Variants in KCMF1 observed in about 807,000 individuals in gnomAD.
The protein encoded by KCMF1 is potassium channel modulatory factor 1, also known as E3 ubiquitin-protein ligase KCMF1.
In KCMF1, 3 loss-of-function variants were observed where a neutral mutation model predicts 41.1. The observed-to-expected ratio is 0.07, with a 90% CI of 0.03 to 0.19. The LOEUF (loss-of-function observed/expected upper bound fraction) is 0.19, where lower values mean the gene tolerates loss of function less well. Among genes scored for constraint, KCMF1 ranks in the 10% least tolerant of loss-of-function variants. KCMF1 has a pLI of 1.00. For synonymous variants in KCMF1, 142 were observed against 164.5 expected (o/e 0.86, Z 1.04); for missense variants, 286 against 488.9 (o/e 0.58, Z 3.91).
Position 85,053,253 on chromosome 2 carries a change from T to C in KCMF1, c.990T>C (p.Arg330=), listed in dbSNP as rs1182705865. 1.9e-6 allele frequency: 3 copies of C among 1,613,906 alleles called. No homozygotes were observed. The highest frequency in any genetic ancestry group is 2.5e-6 in the Non-Finnish European group (3 of 1,179,874). Residue 330 remains arginine, a synonymous_variant, in exon 7 of 7, where the codon CGT becomes CGC. Coordinates refer to ENST00000409785, the MANE Select transcript of KCMF1 (RefSeq NM_020122.5). ...AGCTCCTTCTGTCCACTTTAGTGCGTGAAGAGAGCTCATCCTCAGATGAGG... is the reference window on the plus strand; with the variant it reads ...AGCTCCTTCTGTCCACTTTAGTGCGCGAAGAGAGCTCATCCTCAGATGAGG... ...VQELLLSTLV[R]EESSSSDEDD...
At chr2:85,025,932 A>G (rs537519063) in intron 1 of KCMF1, among the ~76,000 whole-genome samples, 1 of 152,260 alleles carries the variant, frequency 6.6e-6, no homozygotes, top group East Asian at 1.9e-4. Flanking sequence ...AGCATAAACA[A>G]GCAGATCACA....
At chr2:85,035,188 A>C in intron 3 of KCMF1, 33 bp downstream of exon 3, 1 of 1,587,590 alleles carries the variant, frequency 6.3e-7, no homozygotes, top group Non-Finnish European at 8.6e-7. Flanking sequence ...GACTAAAATG[A>C]TGTTGTAAAG....
At chr2:84,984,043 C>T (rs914131233) in intron 1 of KCMF1, among the ~76,000 whole-genome samples, 12 of 152,018 alleles carry the variant, frequency 7.9e-5, no homozygotes, top group African/African-American at 2.2e-4. Flanking sequence ...CACATTTATG[C>T]GTTGAGGGTC....
intron 1 of KCMF1, among the ~76,000 whole-genome samples, chr2:85,019,720 ATATATATGTGTGTGTGTATATATATG>A (rs1238442908): frequency 6.6e-6 from 1 of 151,832 alleles, no homozygotes; most frequent in African/African-American, 2.4e-5. Flanking sequence ...TTTGACTTAA[ATATATATGTGTGTGTGTATATATATG>A]TATATATGTG....
At chr2:85,046,513 G>A (rs898631225) in intron 5 of KCMF1, among the ~76,000 whole-genome samples, 4 of 151,676 alleles carry the variant, frequency 2.6e-5, no homozygotes, top group African/African-American at 9.7e-5. Flanking sequence ...GCCTGTAATC[G>A]CAGCTACTCT....
At chr2:85,005,541 C>T (rs1040467376) in intron 1 of KCMF1, among the ~76,000 whole-genome samples, 5 of 152,068 alleles carry the variant, frequency 3.3e-5, no homozygotes, top group African/African-American at 7.2e-5. Flanking sequence ...CCACCTGCCT[C>T]GGCCTCCCAA....
At position 84,992,852 on chromosome 2, in the gene KCMF1, C is replaced by T. The variant is rs191039529; in HGVS notation, c.16+21385C>T. The stretch of plus-strand genomic sequence containing the variant: ...AGCCAGGATGGTCTCGATCTCCTGA[C>T]CTTGTGATCCGCCCGCCTCGGCCTC... On this transcript the variant is annotated intron_variant, in intron 1 of 6. Coordinates refer to ENST00000409785, the MANE Select transcript of KCMF1 (RefSeq NM_020122.5). Among the ~76,000 whole-genome samples the T allele has an allele frequency of 8.5e-5, 13 of 152,194 alleles. 1 individual carries two copies. The highest frequency in any genetic ancestry group is 2.9e-4 in the African/African-American group (12 of 41,540).
intron 1 of KCMF1, among the ~76,000 whole-genome samples, chr2:85,022,886 CTTTTTTTTT>C (rs34732141): frequency 1.8e-5 from 2 of 111,768 alleles, no homozygotes; most frequent in African/African-American, 3.4e-5. Context: ...TGTATGTATT[CTTTTTTTTT>C]TTTTTTTTTT....
chr2:84,974,658 CATATATATATATATATAT>C (rs71392939), intron 1 of KCMF1, among the ~76,000 whole-genome samples: 17 of 29,338 alleles, frequency 5.8e-4, no homozygotes, highest in South Asian at 2.3e-3. Context: ...ATTTTAATTT[CATATATATATATATATAT>C]ATATATATAT....
In KCMF1 at chr2:85,054,330, A is replaced by G. The variant is rs1675880623; in HGVS notation, c.*921A>G. 5.3e-5 allele frequency: 8 copies of G among 152,158 alleles called. No individual in the cohort carries two copies. In the South Asian group the frequency reaches 1.7e-3, roughly 31 times the overall value. 9.4% of individuals were successfully genotyped at this position (152,158 alleles called of 1,614,324 possible). A position where few individuals can be genotyped will look rare whatever the true frequency, so the allele number is the denominator to read the frequency against. ...TTTTAAAAATCTCACATTCTCAATC[A>G]TATTTTGCATTATTTATGTATTTGC... On this transcript the variant is annotated 3_prime_UTR_variant, in exon 7 of 7. Coordinates refer to ENST00000409785, the MANE Select transcript of KCMF1 (RefSeq NM_020122.5).
rs984072620 is a variant in KCMF1 at position 85,058,786 on chromosome 2, A to C, written c.*5377A>C. ...GTCACGTGACCAATCAGAGCTGGTG[A>C]GTGAGCTGCTCCCTTAAATCTACCA... On this transcript the variant is annotated 3_prime_UTR_variant, in exon 7 of 7. Transcript: ENST00000409785. The C allele has an allele frequency of 8.5e-5, 13 of 152,296 alleles. No homozygotes were observed. The highest frequency in any genetic ancestry group is 2.9e-4 in the African/African-American group (12 of 41,578). 9.4% of individuals were successfully genotyped at this position (152,296 alleles called of 1,614,324 possible).
At chr2:85,018,267 ATTTTTT>A (rs373718008) in intron 1 of KCMF1, among the ~76,000 whole-genome samples, 1 of 126,886 alleles carries the variant, frequency 7.9e-6, no homozygotes, top group Non-Finnish European at 1.6e-5. Context: ...ACTAAGCTAG[ATTTTTT>A]TTTTTTTTTT....
At chr2:84,989,201 A>G (rs1049964761) in intron 1 of KCMF1, among the ~76,000 whole-genome samples, 1 of 152,222 alleles carries the variant, frequency 6.6e-6, no homozygotes, top group Admixed American at 6.5e-5. Context: ...TTTCAGTCCT[A>G]TGAGACAGGT....
intron 1 of KCMF1, among the ~76,000 whole-genome samples, chr2:84,994,030 C>G (rs1253161467): frequency 6.6e-6 from 1 of 152,018 alleles, no homozygotes; most frequent in African/African-American, 2.4e-5. Flanking sequence ...TCACTGCAAG[C>G]TCCGCCTCCT....
chr2:84,991,347 A>G (rs919743242), intron 1 of KCMF1, among the ~76,000 whole-genome samples: 1 of 152,194 alleles, frequency 6.6e-6, no homozygotes, highest in Non-Finnish European at 1.5e-5. Flanking sequence ...TCAAGTGGAG[A>G]TGTTGTATAG....
At position 84,986,062 on chromosome 2, in the gene KCMF1, T is replaced by C. The variant is rs75300893; in HGVS notation, c.16+14595T>C. On this transcript the variant is annotated intron_variant, in intron 1 of 6. Transcript: ENST00000409785. ...AAAATACTAGTTGTGACCTTCTAGA[T>C]TGATTTCACATTCTATTCATGGATT... is the stretch of plus-strand genomic sequence containing the variant. 2.4e-4 allele frequency among the ~76,000 whole-genome samples: 36 copies of C among 152,346 alleles called. 2 individuals carry two copies. In the East Asian group the frequency reaches 6.0e-3, roughly 25 times the overall value.
intron 1 of KCMF1, among the ~76,000 whole-genome samples, chr2:84,979,420 A>T (rs1037899480): frequency 7.3e-5 from 11 of 151,676 alleles, no homozygotes; most frequent in African/African-American, 2.4e-4. Flanking sequence ...GCTACTCGGG[A>T]GGCTGAGGCA....
At chr2:85,000,773 CTTTTTTTT>C (rs1234800307) in intron 1 of KCMF1, among the ~76,000 whole-genome samples, 1 of 118,622 alleles carries the variant, frequency 8.4e-6, no homozygotes, top group Non-Finnish European at 1.8e-5. Context: ...GATAATTTTA[CTTTTTTTT>C]TTTTTTTTTT....
chr2:85,041,132 T>TA (rs1336355083), intron 3 of KCMF1, among the ~76,000 whole-genome samples: 3 of 152,200 alleles, frequency 2.0e-5, no homozygotes, highest in African/African-American at 7.2e-5. Context: ...TTATCCTCAG[T>TA]AATTCTTTAT....
Sources: allele counts gnomAD v4.1 joint callset (sites outside exome capture counted in the v4.1 genomes callset), GRCh38; gene constraint gnomAD v4.1.1; transcripts MANE v1.5; gene names NCBI Gene and HGNC (gene_info 2026-07-23, HGNC 2026-07-21).